PALLD: variants seen among roughly 807,000 people sequenced by gnomAD.
PALLD encodes palladin.
PALLD carries 61 observed loss-of-function variants against 123.5 expected under a neutral mutation model. The observed-to-expected ratio is 0.49, with a 90% confidence interval of 0.40 to 0.61. The LOEUF is 0.61. PALLD is among the 20% of genes least tolerant of loss of function. PALLD has a pLI of 0.00. For synonymous variants in PALLD, 465 were observed against 496.4 expected, an observed-to-expected ratio of 0.94 and a Z score of 0.84; for missense variants, 1,273 against 1,377.0, an observed-to-expected ratio of 0.92 and a Z score of 1.20.
At chr4:168,672,615 C>T (rs372083816) in intron 3 of PALLD, among the ~76,000 whole-genome samples, 4 of 152,078 alleles carry the variant, frequency 2.6e-5, no homozygotes, top group Non-Finnish European at 5.9e-5. Flanking sequence ...CCTGCCACCA[C>T]GCCCGTCTAA....
chr4:168,820,880 T>C (rs573530533), intron 10 of PALLD, among the ~76,000 whole-genome samples: 3 of 152,308 alleles, frequency 2.0e-5, no homozygotes, highest in Non-Finnish European at 4.4e-5. Flanking sequence ...GACAGACATA[T>C]ATAAATTTTG....
rs146732943 is a variant in PALLD, at chr4:168,666,465, G to A, written c.909-1725G>A. 4.7e-3 allele frequency among the ~76,000 whole-genome samples: 708 copies of A among 152,206 alleles called. 3 individuals carry two copies. Among genetic ancestry groups the A allele is most frequent in the Middle Eastern group, 0.014 (4 of 294 alleles). ...GTCTGTTGAAGATGCCTTTAGCTTG[G>A]TCTTAAGGAAGAATAGTTCCTAGAT... On this transcript the variant is annotated intron_variant, in intron 2 of 21. Transcript: ENST00000505667.
chr4:168,816,517 T>G (rs1287447265), intron 10 of PALLD, among the ~76,000 whole-genome samples: 5 of 151,680 alleles, frequency 3.3e-5, no homozygotes, highest in African/African-American at 9.7e-5. Context: ...CAAATCTAAC[T>G]GCCAAAACAC....
chr4:168,508,303 A>G (rs947475412), intron 1 of PALLD, among the ~76,000 whole-genome samples: 14 of 152,240 alleles, frequency 9.2e-5, no homozygotes, highest in African/African-American at 3.4e-4. Flanking sequence ...CAATTTAAAA[A>G]AAGACATACT....
Position 168,805,399 on chromosome 4 carries a change from TAAGAG to T in PALLD, c.1965-85516_1965-85512del, listed in dbSNP as rs1279924357. Among the ~76,000 whole-genome samples the T allele has an allele frequency of 2.6e-5, 4 of 152,082 alleles. No homozygotes were observed. In the East Asian group the frequency reaches 5.8e-4, roughly 22 times the overall value. On this transcript the variant is annotated intron_variant, in intron 10 of 21. Transcript: ENST00000505667. ...AACCCTAATACTGGTTAGAAGGACA[TAAGAG>T]AAGAGAGAAAGTAAAACTATTTAAG... is the stretch of plus-strand genomic sequence containing the variant.
intron 13 of PALLD, chr4:168,898,237 A>G: frequency 1.9e-6 from 1 of 516,782 alleles, no homozygotes; most frequent in Non-Finnish European, 3.5e-6. Flanking sequence ...GCCTCAGAGA[A>G]AAGAAGGAAA....
intron 10 of PALLD, among the ~76,000 whole-genome samples, chr4:168,885,963 T>G (rs140220841): frequency 6.6e-6 from 1 of 152,372 alleles, no homozygotes; most frequent in African/African-American, 2.4e-5. Context: ...TGTATGTATG[T>G]ACAAACATAA....
intron 2 of PALLD, among the ~76,000 whole-genome samples, chr4:168,594,166 A>G (rs1317754004): frequency 6.6e-6 from 1 of 152,212 alleles, no homozygotes; most frequent in Non-Finnish European, 1.5e-5. Context: ...TTTTTAAAAG[A>G]GGAAAAAAAT....
intron 9 of PALLD, among the ~76,000 whole-genome samples, 200 bp downstream of exon 9, chr4:168,709,347 C>CA: frequency 6.6e-6 from 1 of 150,950 alleles, no homozygotes; most frequent in Admixed American, 6.6e-5. Context: ...CTGTCTCTAC[C>CA]AAAAATACAA....
chr4:168,813,758 C>A (rs6834943), intron 10 of PALLD, among the ~76,000 whole-genome samples: 121,135 of 152,182 alleles, frequency 0.8, 48,796 homozygotes, highest in African/African-American at 0.94. Context: ...CTGTATGATT[C>A]TGTCTCGCAT....
chr4:168,850,461 G>A (rs13114906), intron 10 of PALLD, among the ~76,000 whole-genome samples: 29,497 of 148,816 alleles, frequency 0.2, 4,925 homozygotes, highest in African/African-American at 0.45. Context: ...GAAAAAATGC[G>A]GTATACTGTA....
chr4:168,758,161 G>T (rs1000548781), intron 10 of PALLD, among the ~76,000 whole-genome samples: 6 of 151,116 alleles, frequency 4.0e-5, no homozygotes, highest in Non-Finnish European at 8.8e-5. Context: ...GACAGTTTGA[G>T]CATGGTTGGC....
intron 8 of PALLD, among the ~76,000 whole-genome samples, chr4:168,698,001 A>G (rs577651546): frequency 6.6e-6 from 1 of 152,346 alleles, no homozygotes; most frequent in Admixed American, 6.5e-5. Flanking sequence ...GCTAAAGGAA[A>G]TGTGGTACAT....
intron 10 of PALLD, among the ~76,000 whole-genome samples, chr4:168,721,306 GA>G (rs1785991012): frequency 6.6e-6 from 1 of 152,102 alleles, no homozygotes; most frequent in Non-Finnish European, 1.5e-5. Flanking sequence ...TTAAAAGGGG[GA>G]GTGGCTAAGC....
chr4:168,780,272 T>G (rs939342051), intron 10 of PALLD, among the ~76,000 whole-genome samples: 9 of 152,216 alleles, frequency 5.9e-5, no homozygotes, highest in Non-Finnish European at 8.8e-5. Context: ...CTCTTTTCCC[T>G]TAGGCAGGGC....
At chr4:168,842,635 G>A (rs1746206272) in intron 10 of PALLD, among the ~76,000 whole-genome samples, 1 of 152,210 alleles carries the variant, frequency 6.6e-6, no homozygotes, top group Admixed American at 6.5e-5. Flanking sequence ...ACATTGCCTT[G>A]AGTCTTCTCT....
chr4:168,908,302 G>A (rs1246086351), intron 15 of PALLD, among the ~76,000 whole-genome samples: 1 of 152,098 alleles, frequency 6.6e-6, no homozygotes, highest in Non-Finnish European at 1.5e-5. Context: ...TTTAAACCAT[G>A]ACCAGTGACA....
intron 10 of PALLD, among the ~76,000 whole-genome samples, chr4:168,790,812 T>C (rs1421281055): frequency 6.6e-6 from 1 of 152,180 alleles, no homozygotes; most frequent in Non-Finnish European, 1.5e-5. Flanking sequence ...AACTTTTGCA[T>C]ATATATGTTA....
intron 10 of PALLD, among the ~76,000 whole-genome samples, chr4:168,827,989 C>T (rs1238254972): frequency 6.6e-6 from 1 of 152,102 alleles, no homozygotes; most frequent in Non-Finnish European, 1.5e-5. Context: ...TGCAGTGAGC[C>T]GAGATCACGC....
Sources: allele counts gnomAD v4.1 joint callset (sites outside exome capture counted in the v4.1 genomes callset), GRCh38; gene constraint gnomAD v4.1.1; transcripts MANE v1.5; gene names NCBI Gene and HGNC (gene_info 2026-07-23, HGNC 2026-07-21).